Variants in ARHGAP39 observed in about 807,000 individuals in gnomAD.
ARHGAP39 encodes the protein rho GTPase-activating protein 39.
ARHGAP39 carries 44 observed loss-of-function variants against 106.9 expected under a neutral mutation model. The observed-to-expected ratio is 0.41, with a 90% confidence interval of 0.32 to 0.53. The LOEUF is 0.53. ARHGAP39 is among the 20% of genes least tolerant of loss of function. The pLI, the probability that ARHGAP39 is intolerant of heterozygous loss-of-function variation, is 0.21. For missense variants in ARHGAP39, 1,496 were observed against 1,577.3 expected (o/e 0.95, Z 0.87); for synonymous variants, 768 against 693.2 (o/e 1.11, Z -1.69).
At chr8:144,533,963 A>C (rs1442998820) in intron 8 of ARHGAP39, among the ~76,000 whole-genome samples, 166 bp downstream of exon 8, 1 of 151,986 alleles carries the variant, frequency 6.6e-6, no homozygotes, top group Non-Finnish European at 1.5e-5. Context: ...AGCCCAGAAG[A>C]ACACGGGGTC....
upstream of ARHGAP39, among the ~76,000 whole-genome samples, chr8:144,688,138 G>T (rs1259386545): frequency 6.9e-6 from 1 of 145,888 alleles, no homozygotes; most frequent in East Asian, 2.0e-4. Context: ...GAGTCTTGCT[G>T]TGTCACCTAG....
rs987553448 is a variant in ARHGAP39, at chr8:144,586,192, G to C, written c.81-4915C>G. ...GATGGGGTTTCACCATGTTGCCCAG[G>C]CTGGTCTCGAACTCCTGACCTCAAG... On this transcript the variant is annotated intron_variant, in intron 2 of 11. Coordinates refer to ENST00000377307, the MANE Select transcript of ARHGAP39 (RefSeq NM_025251.3). The surrounding 1 kb of genome is among the most constrained non-coding windows in gnomAD (Gnocchi z 4.2). 6.6e-6 allele frequency: 1 copy of C among 152,278 alleles called. No homozygotes were observed. The allele number at this position is 152,278 out of a possible 1,614,324, so 9.4% of individuals were successfully genotyped here. A position where few individuals can be genotyped will look rare whatever the true frequency, so the allele number is the denominator to read the frequency against.
intron 2 of ARHGAP39, among the ~76,000 whole-genome samples, chr8:144,600,285 C>T (rs1819808535): frequency 6.9e-6 from 1 of 145,976 alleles, no homozygotes; most frequent in East Asian, 2.1e-4. Flanking sequence ...TGCTCCTGTA[C>T]CCACCTGCGT....
Position 144,579,384 on chromosome 8 carries a change from T to A in ARHGAP39, c.512+1462A>T, listed in dbSNP as rs575363524. Among the ~76,000 whole-genome samples, 28 of 152,256 alleles carry A rather than the reference T, an allele frequency of 1.8e-4. No individual in the cohort carries two copies. The South Asian group carries it at 5.8e-3, about 32-fold the overall frequency. ...GATAACTTTGAACCCTCATATTTGCTGGTGGGATGTGAAATGTAGGCCCTG... is the reference window on the plus strand; with the variant it reads ...GATAACTTTGAACCCTCATATTTGCAGGTGGGATGTGAAATGTAGGCCCTG... On this transcript the variant is annotated intron_variant, in intron 3 of 11. Transcript: ENST00000377307.
intron 3 of ARHGAP39, among the ~76,000 whole-genome samples, chr8:144,568,307 C>T (rs1818473140): frequency 1.8e-5 from 2 of 113,710 alleles, no homozygotes; most frequent in Admixed American, 2.7e-4. Flanking sequence ...GCACTCCAGC[C>T]TGGGTGACAG....
chr8:144,677,481 G>C (rs1282988423), intron 1 of ARHGAP39, among the ~76,000 whole-genome samples: 1 of 152,226 alleles, frequency 6.6e-6, no homozygotes, highest in Non-Finnish European at 1.5e-5. Context: ...CTATTTCTAG[G>C]ATGGGTCCTA....
intron 2 of ARHGAP39, among the ~76,000 whole-genome samples, chr8:144,596,398 C>T (rs1371090051): frequency 1.3e-5 from 2 of 152,212 alleles, no homozygotes; most frequent in African/African-American, 2.4e-5. Flanking sequence ...CTCGCCACCC[C>T]GGCGCTGTCC....
chr8:144,536,949 G>C (rs1369806255), intron 7 of ARHGAP39, among the ~76,000 whole-genome samples: 2 of 152,226 alleles, frequency 1.3e-5, no homozygotes, highest in Non-Finnish European at 1.5e-5. Context: ...GCAGAGAGGT[G>C]GTGGCGGAGC....
At chr8:144,639,302 G>C (rs1453564786) in intron 1 of ARHGAP39, among the ~76,000 whole-genome samples, 3 of 148,734 alleles carry the variant, frequency 2.0e-5, no homozygotes, top group Non-Finnish European at 3.0e-5. Context: ...CTCCAGCCTG[G>C]GTGACAGAGC....
the ARHGAP39 span, among the ~76,000 whole-genome samples, chr8:144,692,748 CTTT>C: frequency 0.021 from 1,446 of 69,024 alleles, 61 homozygotes; most frequent in East Asian, 0.31. Flanking sequence ...TTGTAAAATT[CTTT>C]TTTTTTTTTT....
intron 2 of ARHGAP39, among the ~76,000 whole-genome samples, chr8:144,602,903 CTG>C (rs201798595): frequency 0.019 from 1,789 of 92,670 alleles, 41 homozygotes; most frequent in Admixed American, 0.04. Flanking sequence ...GCTCATGTAC[CTG>C]TGTGTGTGTG....
chr8:144,542,180 A>G (rs1045799033), intron 6 of ARHGAP39, among the ~76,000 whole-genome samples: 1 of 152,158 alleles, frequency 6.6e-6, no homozygotes, highest in Non-Finnish European at 1.5e-5. Flanking sequence ...GGAGAGCTGG[A>G]GGCTACCATA....
At position 144,548,343 on chromosome 8, in the gene ARHGAP39, C is replaced by G. The variant is rs1054600136; in HGVS notation, c.743G>C (p.Ser248Thr). 13 of 1,606,620 alleles carry G rather than the reference C, an allele frequency of 8.1e-6. 1 individual carries two copies. The Middle Eastern group carries it at 5.0e-4, about 62-fold the overall frequency. ...GGTCTGCAGGCTGGGTGAGTGCTGGCTGCCGGAGGGTCTGCGGGAGCGGAC... is the reference window on the plus strand; with the variant it reads ...GGTCTGCAGGCTGGGTGAGTGCTGGGTGCCGGAGGGTCTGCGGGAGCGGAC... ...PGVRSRRPSGSQHSPSLQTFA... is the reference protein window; with the variant it reads ...PGVRSRRPSGTQHSPSLQTFA... Residue 248 changes from serine to threonine, a missense_variant, in exon 5 of 12, where the codon AGC becomes ACC. Physicochemically the swap from Ser to Thr is moderately conservative, Grantham distance 58. Coordinates refer to ENST00000377307, the MANE Select transcript of ARHGAP39 (RefSeq NM_025251.3). The surrounding 1 kb of genome is among the most constrained non-coding windows in gnomAD (Gnocchi z 7.4).
At chr8:144,605,305 A>T (rs1010653049) in intron 2 of ARHGAP39, among the ~76,000 whole-genome samples, 1 of 152,154 alleles carries the variant, frequency 6.6e-6, no homozygotes, top group African/African-American at 2.4e-5. Flanking sequence ...CAAAAATTAG[A>T]AAGAGAAAAA....
At chr8:144,680,655 A>T (rs971100285) in intron 1 of ARHGAP39, among the ~76,000 whole-genome samples, 3 of 152,234 alleles carry the variant, frequency 2.0e-5, no homozygotes, top group African/African-American at 7.2e-5. Context: ...CTTGCATACA[A>T]AATTGAAAAA....
chr8:144,534,342 G>T, intron 7 of ARHGAP39, 140 bp from the exon 8 acceptor site: 2 of 827,090 alleles, frequency 2.4e-6, no homozygotes, highest in Non-Finnish European at 3.9e-6. Context: ...CCAGCACAGC[G>T]GGTCCTCACA....
chr8:144,654,094 T>A (rs548943064), intron 1 of ARHGAP39, among the ~76,000 whole-genome samples: 36 of 152,308 alleles, frequency 2.4e-4, no homozygotes, highest in African/African-American at 8.4e-4. Context: ...CAGTGGAAGA[T>A]GAACACTGAC....
At chr8:144,630,780 G>A (rs1821040732) in intron 1 of ARHGAP39, among the ~76,000 whole-genome samples, 1 of 152,268 alleles carries the variant, frequency 6.6e-6, no homozygotes, top group African/African-American at 2.4e-5. Context: ...GCCCTCCTCA[G>A]ACGCCAACCG....
intron 5 of ARHGAP39, among the ~76,000 whole-genome samples, chr8:144,546,799 G>A (rs967837180): frequency 6.6e-6 from 1 of 152,170 alleles, no homozygotes; most frequent in African/African-American, 2.4e-5. Context: ...CGGCTCCGGT[G>A]GCCACCACCC....
Sources: gnomAD v4.1 joint callset for allele counts (sites outside exome capture counted in the v4.1 genomes callset) on GRCh38, gnomAD v4.1.1 for gene constraint, Gnocchi (gnomAD v3.1) non-coding constraint, MANE v1.5 for transcripts, NCBI Gene and HGNC (gene_info 2026-07-23, HGNC 2026-07-21) for gene names.